Variants in FAM20C observed in about 807,000 individuals in gnomAD.
FAM20C encodes FAM20C golgi associated secretory pathway kinase.
A neutral mutation model predicts 51.5 loss-of-function variants in FAM20C; 40 were observed. The ratio of observed to expected loss-of-function variants is 0.78; its 90% CI spans 0.60 to 1.01. The LOEUF is 1.01. Ranked by LOEUF, FAM20C falls within the 50% of genes least tolerant of loss-of-function variation. FAM20C has a pLI of 0.00. For synonymous variants in FAM20C, 406 were observed against 380.6 expected, an observed-to-expected ratio of 1.07 and a Z score of -0.78; for missense variants, 861 against 844.7, an observed-to-expected ratio of 1.02 and a Z score of -0.24.
chr7:241,575 T>C (rs1334643457), intron 3 of FAM20C, among the ~76,000 whole-genome samples: 1 of 151,872 alleles, frequency 6.6e-6, no homozygotes, highest in Non-Finnish European at 1.5e-5. Context: ...TGTGTGTGTG[T>C]GTGTGCACTC....
intron 5 of FAM20C, among the ~76,000 whole-genome samples, chr7:249,980 A>G (rs1258367607): frequency 6.6e-6 from 1 of 152,038 alleles, no homozygotes; most frequent in Non-Finnish European, 1.5e-5. Context: ...AGGGACCCTC[A>G]CCCCAGGAAA....
chr7:255,108 T>C (rs1484813327), intron 5 of FAM20C, among the ~76,000 whole-genome samples: 1 of 152,190 alleles, frequency 6.6e-6, no homozygotes, highest in African/African-American at 2.4e-5. Flanking sequence ...GGGGTTTACA[T>C]GGGAGGGGAG....
chr7:216,293 CCT>C (rs1269356299), intron 3 of FAM20C, among the ~76,000 whole-genome samples: 143 of 10,516 alleles, frequency 0.014, 28 homozygotes, highest in Non-Finnish European at 0.02. Flanking sequence ...GAGCAGGGCC[CCT>C]GGTGTATGGA....
chr7:247,100 G>T (rs1297590304), intron 4 of FAM20C, among the ~76,000 whole-genome samples: 1 of 152,246 alleles, frequency 6.6e-6, no homozygotes, highest in Non-Finnish European at 1.5e-5. Context: ...GCTTCTCTGG[G>T]AGACCAAAGC....
Position 256,757 on chromosome 7 carries a change from C to T in FAM20C, c.1357C>T (p.Leu453Phe). The T allele has an allele frequency of 6.5e-7, 1 of 1,536,056 alleles. No homozygotes were observed. Among genetic ancestry groups the T allele is most frequent in the Non-Finnish European group, 8.7e-7 (1 of 1,146,772 alleles). ...CATGGACATGACGATCTTCGACTTC[C>T]TCATGGGTACGTCCCGCAGGGGCAC... The part of the protein sequence containing the change: ...DVMDMTIFDF[L>F]MGNMDRHHYE... Residue 453 changes from leucine (L) to phenylalanine (F), a missense_variant, in exon 7 of 10, where the codon CTC (leucine) becomes TTC (phenylalanine). Transcript: ENST00000313766.
At chr7:230,011 C>G (rs1188427770) in intron 3 of FAM20C, among the ~76,000 whole-genome samples, 1 of 152,152 alleles carries the variant, frequency 6.6e-6, no homozygotes, top group Non-Finnish European at 1.5e-5. Context: ...GAAGGACCAG[C>G]TTCCGCTTCC....
In FAM20C at chr7:193,608, C is replaced by A; in HGVS notation, c.409C>A (p.Arg137=). The A allele has an allele frequency of 6.5e-7, 1 of 1,533,812 alleles. No individual in the cohort carries two copies. Among genetic ancestry groups the A allele is most frequent in the South Asian group, 1.2e-5 (1 of 82,854 alleles). The change falls in exon 1 of 10, where the codon CGG becomes AGG. Residue 137 remains arginine, a synonymous_variant. Transcript: ENST00000313766. ...CCTAAGACCCCACGACCCCGCGCAC[C>A]GGCCGCTGCTGCGAGACCCCGGCCC... ...GALRPHDPAH[R]PLLRDPGPRR... is the part of the protein sequence containing the mutation.
rs1785633007 is a variant in FAM20C, at chr7:192,968, C to T, written c.-232C>T. The T allele has an allele frequency of 1.2e-5, 2 of 173,612 alleles. No individual in the cohort carries two copies. The highest frequency in any genetic ancestry group is 1.2e-5 in the Non-Finnish European group (1 of 85,046). The allele number at this position is 173,612 out of a possible 1,614,324, so 10.8% of individuals were successfully genotyped here. A position where few individuals can be genotyped will look rare whatever the true frequency, so the allele number is the denominator to read the frequency against. On this transcript the variant is annotated 5_prime_UTR_variant, in exon 1 of 10. Transcript: ENST00000313766. ...GACCCCTGGGCTCCCCGGCTGAGGG[C>T]GCGGCCGCTCCGGAGAGGCCGAGCG...
intron 2 of FAM20C, among the ~76,000 whole-genome samples, chr7:198,024 C>G (rs1210682935): frequency 2.0e-5 from 3 of 152,232 alleles, no homozygotes; most frequent in African/African-American, 7.2e-5. Context: ...GTGTGGCCTC[C>G]GCCTGGGTGT....
At chr7:232,754 G>A (rs1016486421) in intron 3 of FAM20C, among the ~76,000 whole-genome samples, 36 of 152,240 alleles carry the variant, frequency 2.4e-4, no homozygotes, top group South Asian at 2.1e-4. Flanking sequence ...CTAGCGCCGC[G>A]GCTGACCGGC....
chr7:248,989 C>T (rs1006417296), intron 5 of FAM20C, among the ~76,000 whole-genome samples: 11 of 152,274 alleles, frequency 7.2e-5, no homozygotes, highest in Admixed American at 3.9e-4. Flanking sequence ...TGCCAGCCCA[C>T]GGACAGCTTC....
At chr7:252,874 C>A (rs147853189) in intron 5 of FAM20C, among the ~76,000 whole-genome samples, 2 of 152,250 alleles carry the variant, frequency 1.3e-5, no homozygotes, top group Non-Finnish European at 2.9e-5. Context: ...TCCCCTACTT[C>A]TCACGTAAGT....
At chr7:198,825 A>T (rs1256961922) in intron 2 of FAM20C, among the ~76,000 whole-genome samples, 1 of 152,210 alleles carries the variant, frequency 6.6e-6, no homozygotes, top group African/African-American at 2.4e-5. Flanking sequence ...CAGCATTTCA[A>T]GGTGGGCTGA....
chr7:209,600 AGCTCGTGGTGAGGGGTGTGT>A (rs1786606045), intron 3 of FAM20C, among the ~76,000 whole-genome samples: 1 of 152,220 alleles, frequency 6.6e-6, no homozygotes, highest in Non-Finnish European at 1.5e-5. Flanking sequence ...GGCACGCGAC[AGCTCGTGGTGAGGGGTGTGT>A]GGACACCTGG....
intron 3 of FAM20C, chr7:228,821 T>C: frequency 4.4e-6 from 2 of 456,070 alleles, no homozygotes; most frequent in South Asian, 3.1e-5. Flanking sequence ...CCGGGCAGCC[T>C]CCTCAACGTG....
At chr7:231,205 C>T (rs952707967) in intron 3 of FAM20C, among the ~76,000 whole-genome samples, 1 of 152,062 alleles carries the variant, frequency 6.6e-6, no homozygotes, top group Non-Finnish European at 1.5e-5. Context: ...GGAGTGGGTG[C>T]GCTGGGGGGT....
At chr7:208,543 GGT>G (rs1240810759) in intron 2 of FAM20C, among the ~76,000 whole-genome samples, 1 of 122,158 alleles carries the variant, frequency 8.2e-6, no homozygotes, top group African/African-American at 2.6e-5. Context: ...GTGTGGGTGT[GGT>G]GTGTGTACAT....
chr7:206,520 A>AC (rs1786394875), intron 2 of FAM20C, among the ~76,000 whole-genome samples: 1 of 135,750 alleles, frequency 7.4e-6, no homozygotes, highest in Non-Finnish European at 1.6e-5. Context: ...CGCGTCTGTC[A>AC]TGGTCCCCTC....
At chr7:227,987 C>T (rs76423533) in intron 3 of FAM20C, 6,503 of 158,770 alleles carry the variant, frequency 0.041, 334 homozygotes, top group African/African-American at 0.12. Context: ...GAAGAGCTGG[C>T]GCAGAGGTTT....
Sources: gnomAD v4.1 joint callset for allele counts (sites outside exome capture counted in the v4.1 genomes callset) on GRCh38, gnomAD v4.1.1 for gene constraint, MANE v1.5 for transcripts, NCBI Gene and HGNC (gene_info 2026-07-23, HGNC 2026-07-21) for gene names.